Variants in MDM1 observed in about 807,000 individuals in gnomAD.
The protein encoded by MDM1 is stabilizer of axonemal microtubules 6, also known as Mdm1 nuclear protein.
Under a neutral mutation model 89.1 loss-of-function variants are expected in MDM1, and 61 were observed. The observed-to-expected ratio is 0.68, with a 90% CI of 0.56 to 0.85. The LOEUF is 0.85. MDM1 is among the 40% of genes least tolerant of loss of function. MDM1 has a pLI of 0.00. For synonymous variants in MDM1, 290 were observed against 294.1 expected, an observed-to-expected ratio of 0.99 and a Z score of 0.14; for missense variants, 820 against 846.5, an observed-to-expected ratio of 0.97 and a Z score of 0.39.
rs1874461540 is a variant in MDM1 at position 68,316,118 on chromosome 12, C to T, written c.1171G>A (p.Gly391Arg). Reference protein sequence around the residue: ...WDVSSTTSSEGTVSSNIRALD... With the variant: ...WDVSSTTSSERTVSSNIRALD... Reference sequence around the variant, plus strand: ...GCTCTGATGTTGCTACTAACGGTTCCTTCTGAGCTTGTGGTTGAGGAGACA... The same window carrying T: ...GCTCTGATGTTGCTACTAACGGTTCTTTCTGAGCTTGTGGTTGAGGAGACA... The change falls in exon 9 of 15, where the codon GGA becomes AGA. Residue 391 changes from glycine (G) to arginine (R), a missense_variant. By Grantham distance (125) the Gly-to-Arg change is moderately radical. Transcript: ENST00000682720. The T allele has an allele frequency of 1.2e-6, 2 of 1,613,796 alleles. No individual in the cohort carries two copies. The highest frequency in any genetic ancestry group is 1.7e-6 in the Non-Finnish European group (2 of 1,179,906).
rs751538537 is a variant in MDM1, at chr12:68,321,420, T to C, written c.932A>G (p.Lys311Arg). 1 of 1,613,794 alleles carries C rather than the reference T, an allele frequency of 6.2e-7. No homozygotes were observed. Among genetic ancestry groups the C allele is most frequent in the Non-Finnish European group, 8.5e-7 (1 of 1,179,872 alleles). ...LGKVNSEYRA[K>R]FLSPAQYLYK... ...TAAATACTGAGCTGGGCTCAGAAATTTTGCTCTATATTCGGAATTCACCTT... is the reference window on the plus strand; with the variant it reads ...TAAATACTGAGCTGGGCTCAGAAATCTTGCTCTATATTCGGAATTCACCTT... The change falls in exon 7 of 15, where the codon AAA becomes AGA. Residue 311 changes from lysine (K) to arginine (R), a missense_variant. Transcript: ENST00000682720.
At chr12:68,311,943 A>C (rs1388017951) in intron 12 of MDM1, among the ~76,000 whole-genome samples, 1 of 151,732 alleles carries the variant, frequency 6.6e-6, no homozygotes, top group African/African-American at 2.4e-5. Flanking sequence ...GTCCTATCTT[A>C]CTCACCTATC....
intron 4 of MDM1, among the ~76,000 whole-genome samples, chr12:68,323,836 T>A (rs1360048537): frequency 6.6e-6 from 1 of 152,190 alleles, no homozygotes; most frequent in Non-Finnish European, 1.5e-5. Flanking sequence ...TATTACTGCT[T>A]TGTAATGCTG....
At chr12:68,302,161 A>C (rs1472380473) in intron 13 of MDM1, among the ~76,000 whole-genome samples, 1 of 152,232 alleles carries the variant, frequency 6.6e-6, no homozygotes. Flanking sequence ...CCAGAAAGAA[A>C]ACACCACACA....
At position 68,294,915 on chromosome 12, in the gene MDM1, C is replaced by T. The variant is rs1008372018; in HGVS notation, c.*339G>A. On this transcript the variant is annotated 3_prime_UTR_variant, in exon 15 of 15. Coordinates refer to ENST00000682720, the MANE Select transcript of MDM1 (RefSeq NM_001354969.2). ...ATATCAAATCTTAGGGGAATATATA[C>T]TTCACACTGGGATCTTAACTTTTAC... The T allele has an allele frequency of 3.0e-5, 5 of 164,418 alleles. No individual in the cohort carries two copies. Among genetic ancestry groups the T allele is most frequent in the Non-Finnish European group, 5.3e-5 (4 of 75,952 alleles). The allele number at this position is 164,418 out of a possible 1,614,324, so 10.2% of individuals were successfully genotyped here.
At chr12:68,329,322 C>T (rs1452602517) in intron 2 of MDM1, among the ~76,000 whole-genome samples, 6 of 152,216 alleles carry the variant, frequency 3.9e-5, no homozygotes, top group Admixed American at 3.3e-4. Context: ...CCCACTCTTC[C>T]CTTTGTTCTC....
intron 2 of MDM1, among the ~76,000 whole-genome samples, chr12:68,328,414 T>C (rs574355080): frequency 1.9e-4 from 29 of 152,336 alleles, no homozygotes; most frequent in African/African-American, 7.0e-4. Flanking sequence ...TGCCAATGAA[T>C]ACTGACTTTG....
At chr12:68,302,029 G>T (rs1239807209) in intron 13 of MDM1, among the ~76,000 whole-genome samples, 2 of 152,000 alleles carry the variant, frequency 1.3e-5, no homozygotes, top group African/African-American at 4.8e-5. Flanking sequence ...CCAGAAGTGA[G>T]AATTTTCCAG....
intron 1 of MDM1, 29 bp downstream of exon 1, chr12:68,332,199 A>G: frequency 6.5e-7 from 1 of 1,542,560 alleles, no homozygotes; most frequent in Non-Finnish European, 8.8e-7. Context: ...CCCCCCAGCC[A>G]CATTCCGGCC....
intron 12 of MDM1, among the ~76,000 whole-genome samples, chr12:68,312,838 C>T (rs1001476303): frequency 6.6e-6 from 1 of 152,054 alleles, no homozygotes; most frequent in African/African-American, 2.4e-5. Flanking sequence ...GGGCAGGTAC[C>T]CCCTTCACCT....
At chr12:68,309,078 A>G (rs1298008013) in intron 12 of MDM1, among the ~76,000 whole-genome samples, 1 of 152,238 alleles carries the variant, frequency 6.6e-6, no homozygotes, top group Non-Finnish European at 1.5e-5. Flanking sequence ...CTTGCAAAAC[A>G]TATATCCATC....
chr12:68,322,598 C>T (rs1284617571), intron 5 of MDM1, among the ~76,000 whole-genome samples: 2 of 152,140 alleles, frequency 1.3e-5, no homozygotes, highest in Admixed American at 1.3e-4. Flanking sequence ...CGTGCCACTG[C>T]ACTCCAGCCT....
At chr12:68,327,528 A>ATAAG in intron 2 of MDM1, 1 of 1,532,726 alleles carries the variant, frequency 6.5e-7, no homozygotes, top group Non-Finnish European at 8.7e-7. Context: ...TTAAAAAAGA[A>ATAAG]TAAGCCCTTT....
At chr12:68,298,388 C>G (rs1020071697) in intron 13 of MDM1, among the ~76,000 whole-genome samples, 1 of 152,158 alleles carries the variant, frequency 6.6e-6, no homozygotes, top group Admixed American at 6.5e-5. Context: ...AATTGCAGTG[C>G]TAGGCTCAGC....
intron 12 of MDM1, among the ~76,000 whole-genome samples, chr12:68,308,810 T>C (rs1873286050): frequency 6.6e-6 from 1 of 152,236 alleles, no homozygotes; most frequent in Non-Finnish European, 1.5e-5. Context: ...TCCAGAGTTC[T>C]CTTGCTCAGT....
chr12:68,331,964 C>T (rs1190918074), intron 1 of MDM1: 2 of 692,206 alleles, frequency 2.9e-6, no homozygotes. Flanking sequence ...CCCATCTCCA[C>T]TCCTCTTGAG....
rs138119348 is a variant in MDM1 at position 68,307,076 on chromosome 12, T to C, written c.1750-4204A>G. On this transcript the variant is annotated intron_variant, in intron 12 of 14. Coordinates refer to ENST00000682720, the MANE Select transcript of MDM1 (RefSeq NM_001354969.2). ...ATGCAGCTGGAGGCCATTATTCTAA[T>C]TGAATTAACACAGAAACATAAAGTC... 5.5e-3 allele frequency among the ~76,000 whole-genome samples: 832 copies of C among 152,302 alleles called. 6 individuals carry two copies. Among genetic ancestry groups the C allele is most frequent in the Admixed American group, 0.015 (229 of 15,298 alleles).
In MDM1 at chr12:68,322,150, G is replaced by A. The variant is rs149314483; in HGVS notation, c.802-522C>T. 7.2e-5 allele frequency among the ~76,000 whole-genome samples: 11 copies of A among 151,936 alleles called. No individual in the cohort carries two copies. The East Asian group carries it at 1.2e-3, about 16-fold the overall frequency. On this transcript the variant is annotated intron_variant, in intron 5 of 14. Coordinates refer to ENST00000682720, the MANE Select transcript of MDM1 (RefSeq NM_001354969.2). ...TCTATTTTTAGGACCATAAAGTATC[G>A]GGTATCAACATTCCAGGAGATTCAA...
rs1006338188 is a variant in MDM1 at position 68,309,902 on chromosome 12, C to T, written c.1749+3541G>A. On this transcript the variant is annotated intron_variant, in intron 12 of 14. Coordinates refer to ENST00000682720, the MANE Select transcript of MDM1 (RefSeq NM_001354969.2). ...TGGTATAGTCCCTGGTAGTGCTGGTCGCAGAAAATTCACATGGAAGGATAT... is the reference window on the plus strand; with the variant it reads ...TGGTATAGTCCCTGGTAGTGCTGGTTGCAGAAAATTCACATGGAAGGATAT... Among the ~76,000 whole-genome samples, 4 of 152,122 alleles carry T rather than the reference C, an allele frequency of 2.6e-5. No individual in the cohort carries two copies. The East Asian group carries it at 5.8e-4, about 22-fold the overall frequency.
Sources: allele counts gnomAD v4.1 joint callset (sites outside exome capture counted in the v4.1 genomes callset), GRCh38; gene constraint gnomAD v4.1.1; transcripts MANE v1.5; gene names NCBI Gene and HGNC (gene_info 2026-07-23, HGNC 2026-07-21).